Variants in ASAH1 observed in about 807,000 individuals in gnomAD.
ASAH1 encodes the protein acid ceramidase.
A neutral mutation model predicts 59.5 loss-of-function variants in ASAH1; 70 were observed. The ratio of observed to expected loss-of-function variants is 1.18; its 90% CI spans 0.97 to 1.43. ASAH1 has a LOEUF of 1.43. ASAH1 is among the 40% of genes most tolerant of loss of function. ASAH1 has a pLI of 0.00. For synonymous variants in ASAH1, 213 were observed against 166.5 expected, an observed-to-expected ratio of 1.28 and a Z score of -2.15; for missense variants, 660 against 482.5, an observed-to-expected ratio of 1.37 and a Z score of -3.45.
chr8:18,062,223 T>C, intron 8 of ASAH1, 56 bp downstream of exon 8: 1 of 1,612,028 alleles, frequency 6.2e-7, no homozygotes, highest in South Asian at 1.1e-5. Flanking sequence ...AACTTTTACA[T>C]AACGGTAACA....
chr8:18,071,260 TA>T, intron 3 of ASAH1, 39 bp downstream of exon 3: 1 of 959,922 alleles, frequency 1.0e-6, no homozygotes, highest in African/African-American at 1.8e-5. Flanking sequence ...AAATAAAAAA[TA>T]AAAATAAAGA....
chr8:18,073,154 G>C (rs1800244661), intron 2 of ASAH1: 1 of 1,099,182 alleles, frequency 9.1e-7, no homozygotes, highest in South Asian at 1.4e-5. Context: ...CTAAAGCTTA[G>C]CCATAATTGC....
At chr8:18,063,337 T>C in intron 6 of ASAH1, 107 bp from the exon 7 acceptor site, 1 of 1,097,962 alleles carries the variant, frequency 9.1e-7, no homozygotes. Flanking sequence ...AGAGTCTCGT[T>C]CTGTTGGCCA....
chr8:18,083,661 C>T (rs1223309041), intron 1 of ASAH1, among the ~76,000 whole-genome samples: 1 of 152,240 alleles, frequency 6.6e-6, no homozygotes, highest in African/African-American at 2.4e-5. Flanking sequence ...TATTTAAACA[C>T]TTCAAAATGC....
In ASAH1 at chr8:18,057,624, C is replaced by A. The variant is rs770955290; in HGVS notation, c.1099-1G>T. The A allele has an allele frequency of 2.4e-5, 39 of 1,596,318 alleles. No homozygotes were observed. Among genetic ancestry groups the A allele is most frequent in the Non-Finnish European group, 3.3e-5 (38 of 1,168,658 alleles). ...CTATCAAGGTTGTGTATACGGTCAGCTGAAAGAAAAGTTATTTTTACTTTA... is the reference window on the plus strand; with the variant it reads ...CTATCAAGGTTGTGTATACGGTCAGATGAAAGAAAAGTTATTTTTACTTTA... On this transcript the variant is annotated splice_acceptor_variant, in intron 13 of 13. Transcript: ENST00000637790. LOFTEE classifies it high-confidence loss of function.
intron 1 of ASAH1, among the ~76,000 whole-genome samples, chr8:18,080,701 G>A (rs965514650): frequency 6.6e-6 from 1 of 152,158 alleles, no homozygotes; most frequent in Non-Finnish European, 1.5e-5. Context: ...GGGACTACAG[G>A]CGTGAGCCAC....
At chr8:18,069,502 G>T in intron 4 of ASAH1, 1 of 321,252 alleles carries the variant, frequency 3.1e-6, no homozygotes, top group Non-Finnish European at 5.9e-6. Flanking sequence ...CTTCAATAGT[G>T]AACTCACTAC....
chr8:18,062,941 G>A, intron 7 of ASAH1: 2 of 454,572 alleles, frequency 4.4e-6, no homozygotes, highest in Non-Finnish European at 8.0e-6. Context: ...CGCGATCTCG[G>A]CTCACTGCAA....
chr8:18,060,926 T>C (rs1799667300), intron 10 of ASAH1: 1 of 173,978 alleles, frequency 5.7e-6, no homozygotes, highest in African/African-American at 2.4e-5. Flanking sequence ...CTAATTTTTG[T>C]ATTTTTTATA....
intron 2 of ASAH1, among the ~76,000 whole-genome samples, chr8:18,072,520 G>C (rs60767394): frequency 6.6e-6 from 1 of 151,944 alleles, no homozygotes; most frequent in Non-Finnish European, 1.5e-5. Flanking sequence ...AAGTATATTC[G>C]ATTTTGGAAA....
chr8:18,075,800 A>G (rs1800379732), intron 1 of ASAH1: 2 of 588,410 alleles, frequency 3.4e-6, no homozygotes, highest in Non-Finnish European at 3.0e-6. Context: ...TCAATTTGTA[A>G]AAGTGCTAGG....
chr8:18,063,309 T>C, intron 6 of ASAH1, 79 bp from the exon 7 acceptor site: 3 of 1,246,234 alleles, frequency 2.4e-6, no homozygotes, highest in East Asian at 2.3e-5. Flanking sequence ...TTTTGATTAA[T>C]TAATTTATTT....
chr8:18,084,769 A>G, upstream of ASAH1: 1 of 1,613,666 alleles, frequency 6.2e-7, no homozygotes, highest in Non-Finnish European at 8.5e-7. Flanking sequence ...GGGACCCGCG[A>G]GCTTTCTCTC....
chr8:18,073,249 T>TA, intron 2 of ASAH1: 4 of 1,574,952 alleles, frequency 2.5e-6, no homozygotes, highest in Non-Finnish European at 3.5e-6. Context: ...AATAAAAGAG[T>TA]ATCCACCTTA....
In ASAH1 at chr8:18,062,343, TTG is replaced by T; in HGVS notation, c.582_583del (p.Asn194LysfsTer31). The T allele has an allele frequency of 1.2e-6, 2 of 1,614,212 alleles. No homozygotes were observed. Among genetic ancestry groups the T allele is most frequent in the South Asian group, 2.2e-5 (2 of 91,084 alleles). ...GCTTGAAGCCTTGAAGACAGTTTTGTTGTTTCTTTGGAAATCCAAATTCACTG... is the reference window on the plus strand; with the variant it reads ...GCTTGAAGCCTTGAAGACAGTTTTGTTTTCTTTGGAAATCCAAATTCACTG... On this transcript the variant is annotated frameshift_variant, in exon 8 of 14. Transcript: ENST00000637790. LOFTEE classifies it high-confidence loss of function.
At chr8:18,064,262 A>C (rs1220330103) in intron 6 of ASAH1, 195 bp downstream of exon 6, 9 of 596,274 alleles carry the variant, frequency 1.5e-5, no homozygotes, top group Non-Finnish European at 2.7e-5. Flanking sequence ...ATCAACTTTA[A>C]TAGGCAGTAC....
At chr8:18,079,037 G>A (rs1052590573) in intron 1 of ASAH1, among the ~76,000 whole-genome samples, 30 of 152,144 alleles carry the variant, frequency 2.0e-4, no homozygotes, top group Admixed American at 6.5e-5. Context: ...AGCACCTTGG[G>A]AGGCTGAGGT....
chr8:18,067,215 T>C lies in ASAH1; in HGVS notation c.382+5A>G. 2 of 1,601,334 alleles carry C rather than the reference T, an allele frequency of 1.2e-6. No homozygotes were observed. Among genetic ancestry groups the C allele is most frequent in the South Asian group, 1.1e-5 (1 of 89,486 alleles). ...TTTTTTTTAAAGCTTCTAAGTGAACTTTACCTAAAGGTATATCAGTAACAG... is the reference window on the plus strand; with the variant it reads ...TTTTTTTTAAAGCTTCTAAGTGAACCTTACCTAAAGGTATATCAGTAACAG... On this transcript the variant is annotated splice_donor_5th_base_variant and intron_variant, in intron 5 of 13. Coordinates refer to ENST00000637790, the MANE Select transcript of ASAH1 (RefSeq NM_177924.5).
upstream of ASAH1, chr8:18,084,393 G>A: frequency 1.4e-6 from 2 of 1,399,930 alleles, no homozygotes; most frequent in Non-Finnish European, 1.9e-6. Context: ...CGTAGGTGGG[G>A]CCGGGAGCTT....
Sources: allele counts gnomAD v4.1 joint callset (sites outside exome capture counted in the v4.1 genomes callset), GRCh38; gene constraint gnomAD v4.1.1; transcripts MANE v1.5; gene names NCBI Gene and HGNC (gene_info 2026-07-23, HGNC 2026-07-21).